MMP16: variants seen among roughly 807,000 people sequenced by gnomAD.
MMP16 encodes the protein matrix metallopeptidase 16, also known as matrix metalloproteinase-16.
Under a neutral mutation model 67.8 loss-of-function variants are expected in MMP16, and 12 were observed. The observed-to-expected ratio is 0.18, with a 90% CI of 0.11 to 0.29. The LOEUF (loss-of-function observed/expected upper bound fraction) is 0.29. Ranked by LOEUF, MMP16 falls within the 10% of genes least tolerant of loss-of-function variation. The probability of loss-of-function intolerance (pLI) is 1.00; values close to 1 mark genes in which losing one functional copy is unlikely to be tolerated. For missense variants in MMP16, 475 were observed against 765.7 expected (o/e 0.62, Z 4.48); for synonymous variants, 249 against 255.9 (o/e 0.97, Z 0.26).
chr8:88,081,849 G>A (rs917504415), intron 6 of MMP16, among the ~76,000 whole-genome samples: 4 of 151,928 alleles, frequency 2.6e-5, no homozygotes, highest in Non-Finnish European at 5.9e-5. Flanking sequence ...TGAAGTGAAA[G>A]GAACTCAGGA....
chr8:88,062,890 T>A (rs956567086), intron 7 of MMP16, among the ~76,000 whole-genome samples: 2 of 152,176 alleles, frequency 1.3e-5, no homozygotes, highest in African/African-American at 4.8e-5. Context: ...AGATTCATAT[T>A]TGACTTTTTT....
At chr8:88,173,321 G>A (rs1808834636) in intron 3 of MMP16, among the ~76,000 whole-genome samples, 1 of 151,958 alleles carries the variant, frequency 6.6e-6, no homozygotes, top group Non-Finnish European at 1.5e-5. Flanking sequence ...CAAAGTGCTG[G>A]GATTACAGTT....
intron 4 of MMP16, among the ~76,000 whole-genome samples, chr8:88,121,076 T>G (rs1253782191): frequency 1.3e-5 from 2 of 151,672 alleles, no homozygotes; most frequent in South Asian, 2.1e-4. Context: ...TCTCAGTTTT[T>G]TTTTTTTTTT....
intron 6 of MMP16, among the ~76,000 whole-genome samples, chr8:88,077,162 G>A: frequency 6.6e-6 from 1 of 152,318 alleles, no homozygotes; most frequent in East Asian, 1.9e-4. Context: ...CCTTGGCAGA[G>A]AGTCATATAA....
intron 1 of MMP16, among the ~76,000 whole-genome samples, chr8:88,321,746 A>C (rs922634165): frequency 6.6e-6 from 1 of 152,220 alleles, no homozygotes; most frequent in Non-Finnish European, 1.5e-5. Context: ...TTCTAGGCTT[A>C]CGACTATAAA....
intron 4 of MMP16, among the ~76,000 whole-genome samples, chr8:88,133,207 T>C (rs1398331480): frequency 1.4e-5 from 2 of 147,784 alleles, no homozygotes; most frequent in Non-Finnish European, 3.0e-5. Context: ...ATCTTGCCAT[T>C]ACCTTTATTA....
chr8:88,315,126 C>T (rs1811357186), intron 1 of MMP16, among the ~76,000 whole-genome samples: 1 of 152,134 alleles, frequency 6.6e-6, no homozygotes, highest in Admixed American at 6.6e-5. Context: ...GATAGGCATA[C>T]CTCCGTTTAT....
chr8:88,052,426 T>A (rs1033524775), intron 8 of MMP16, among the ~76,000 whole-genome samples: 10 of 152,096 alleles, frequency 6.6e-5, no homozygotes, highest in Admixed American at 6.6e-4. Flanking sequence ...CTTTGCTCCA[T>A]CTCCACTGCT....
intron 4 of MMP16, among the ~76,000 whole-genome samples, chr8:88,149,154 G>A (rs1808350082): frequency 1.3e-5 from 2 of 152,200 alleles, no homozygotes; most frequent in Admixed American, 1.3e-4. Flanking sequence ...TTTTCAGACG[G>A]GCTTAAAAAA....
At chr8:88,144,830 A>G (rs191244224) in intron 4 of MMP16, among the ~76,000 whole-genome samples, 38 of 152,080 alleles carry the variant, frequency 2.5e-4, no homozygotes, top group African/African-American at 8.9e-4. Flanking sequence ...CACAATTTTT[A>G]AAAACCTGTA....
chr8:88,292,739 C>G (rs1810945357), intron 1 of MMP16, among the ~76,000 whole-genome samples: 1 of 152,076 alleles, frequency 6.6e-6, no homozygotes, highest in Non-Finnish European at 1.5e-5. Flanking sequence ...ATTATTTAAT[C>G]CATTCACACC....
At chr8:88,145,715 G>T (rs1262185275) in intron 4 of MMP16, among the ~76,000 whole-genome samples, 1 of 151,828 alleles carries the variant, frequency 6.6e-6, no homozygotes, top group Non-Finnish European at 1.5e-5. Context: ...TCAACAAATG[G>T]GATAAAAGCA....
intron 3 of MMP16, among the ~76,000 whole-genome samples, chr8:88,180,733 A>C (rs1357280195): frequency 6.6e-6 from 1 of 151,884 alleles, no homozygotes; most frequent in African/African-American, 2.4e-5. Context: ...ATAAAGATAC[A>C]AAAAAAAGAA....
chr8:88,271,831 A>G (rs1230068081), intron 1 of MMP16, among the ~76,000 whole-genome samples: 1 of 152,230 alleles, frequency 6.6e-6, no homozygotes, highest in Non-Finnish European at 1.5e-5. Flanking sequence ...CAAACACATG[A>G]GAACTTGGTA....
At chr8:88,305,091 A>T (rs891478225) in intron 1 of MMP16, among the ~76,000 whole-genome samples, 2 of 152,212 alleles carry the variant, frequency 1.3e-5, no homozygotes, top group African/African-American at 4.8e-5. Context: ...AAATAAATGG[A>T]TGAAGGAAAA....
intron 4 of MMP16, among the ~76,000 whole-genome samples, chr8:88,166,961 C>T (rs79942558): frequency 0.082 from 12,393 of 151,756 alleles, 543 homozygotes; most frequent in African/African-American, 0.11. Flanking sequence ...CTTTGTGACT[C>T]CAAGGTGGGT....
At chr8:88,086,585 G>T (rs560757707) in intron 6 of MMP16, among the ~76,000 whole-genome samples, 1 of 151,946 alleles carries the variant, frequency 6.6e-6, no homozygotes, top group African/African-American at 2.4e-5. Flanking sequence ...AATATTATGA[G>T]CTGGGAAAAC....
chr8:88,260,700 T>C (rs1397716102), intron 1 of MMP16, among the ~76,000 whole-genome samples: 3 of 152,130 alleles, frequency 2.0e-5, no homozygotes, highest in Non-Finnish European at 4.4e-5. Flanking sequence ...ACTGATAACA[T>C]TCAGATGAAC....
chr8:88,136,640 T>C (rs2118490496), intron 4 of MMP16, among the ~76,000 whole-genome samples: 1 of 151,178 alleles, frequency 6.6e-6, no homozygotes, highest in Non-Finnish European at 1.5e-5. Flanking sequence ...AAAATACATA[T>C]TAATTATATA....
Sources: gnomAD v4.1 joint callset for allele counts (sites outside exome capture counted in the v4.1 genomes callset) on GRCh38, gnomAD v4.1.1 for gene constraint, MANE v1.5 for transcripts, NCBI Gene and HGNC (gene_info 2026-07-23, HGNC 2026-07-21) for gene names.